Variants in CLVS1 observed in about 807,000 individuals in gnomAD.
The protein encoded by CLVS1 is clavesin 1.
In CLVS1, 10 loss-of-function variants were observed where a neutral mutation model predicts 33.1. That is an observed-to-expected ratio of 0.30 (90% confidence interval 0.19 to 0.51). The LOEUF is 0.51. Ranked by LOEUF, CLVS1 falls within the 20% of genes least tolerant of loss-of-function variation. The probability of loss-of-function intolerance (pLI) is 0.97; values close to 1 mark genes in which losing one functional copy is unlikely to be tolerated. For synonymous variants in CLVS1, 163 were observed against 166.1 expected (o/e 0.98, Z 0.14); for missense variants, 343 against 433.4 (o/e 0.79, Z 1.85).
intron 5 of CLVS1, among the ~76,000 whole-genome samples, chr8:61,480,142 T>G (rs976386124): frequency 6.6e-6 from 1 of 152,244 alleles, no homozygotes. Flanking sequence ...CTGCAGAGGT[T>G]ATTGCTGCCT....
chr8:61,161,152 G>A (rs887746150), intron 2 of CLVS1, among the ~76,000 whole-genome samples: 1 of 152,144 alleles, frequency 6.6e-6, no homozygotes, highest in Non-Finnish European at 1.5e-5. Flanking sequence ...TGTTAGAAGG[G>A]TTATCAAAAA....
chr8:61,420,270 T>C (rs1366354618), intron 3 of CLVS1, among the ~76,000 whole-genome samples: 1 of 152,116 alleles, frequency 6.6e-6, no homozygotes. Context: ...TGACATATGG[T>C]AAATACCCAG....
chr8:61,494,424 TC>T (rs1804199929), intron 5 of CLVS1, among the ~76,000 whole-genome samples: 1 of 151,972 alleles, frequency 6.6e-6, no homozygotes, highest in Non-Finnish European at 1.5e-5. Flanking sequence ...CTCAAATCAC[TC>T]CCCTGCCTGA....
chr8:60,979,921 A>G, the CLVS1 span, among the ~76,000 whole-genome samples: 1 of 152,256 alleles, frequency 6.6e-6, no homozygotes, highest in African/African-American at 2.4e-5. Flanking sequence ...TCTAATCACT[A>G]TCAGGTCGAA....
chr8:61,467,340 AT>A (rs1233944012), intron 5 of CLVS1, among the ~76,000 whole-genome samples: 1 of 152,190 alleles, frequency 6.6e-6, no homozygotes, highest in Non-Finnish European at 1.5e-5. Context: ...TGTTTCATTT[AT>A]TCTTAGCCAG....
intron 2 of CLVS1, among the ~76,000 whole-genome samples, chr8:61,203,778 T>G (rs1379389058): frequency 6.6e-6 from 1 of 152,210 alleles, no homozygotes; most frequent in African/African-American, 2.4e-5. Flanking sequence ...CCTTGGATGT[T>G]ATTTCTACTT....
At chr8:61,211,070 T>C (rs1807961183) in intron 2 of CLVS1, among the ~76,000 whole-genome samples, 1 of 152,100 alleles carries the variant, frequency 6.6e-6, no homozygotes. Flanking sequence ...TGGTCAACCA[T>C]GTACAATGCA....
the CLVS1 span, among the ~76,000 whole-genome samples, chr8:61,036,503 A>G: frequency 6.6e-6 from 1 of 152,236 alleles, no homozygotes; most frequent in East Asian, 1.9e-4. Flanking sequence ...TGTGCATTAA[A>G]GGGGGCCAAA....
At chr8:61,305,731 C>T (rs1043347693) in intron 2 of CLVS1, among the ~76,000 whole-genome samples, 1 of 152,084 alleles carries the variant, frequency 6.6e-6, no homozygotes, top group East Asian at 1.9e-4. Flanking sequence ...CTGAAAGGCC[C>T]CAGTGTTTAT....
chr8:61,104,930 G>A (rs1805507986), intron 1 of CLVS1, among the ~76,000 whole-genome samples: 1 of 152,260 alleles, frequency 6.6e-6, no homozygotes, highest in East Asian at 1.9e-4. Flanking sequence ...CTGGGTTCAA[G>A]CAATTCTCCT....
rs529575995 is a variant in CLVS1, at chr8:61,498,200, T to G, written c.978-1255T>G. 1.1e-4 allele frequency among the ~76,000 whole-genome samples: 16 copies of G among 152,298 alleles called. No homozygotes were observed. In the South Asian group the frequency reaches 2.9e-3, roughly 28 times the overall value. On this transcript the variant is annotated intron_variant, in intron 5 of 5. Coordinates refer to ENST00000325897, the MANE Select transcript of CLVS1 (RefSeq NM_173519.3). ...TCTTACTGCCTTAAAAGGGTCAAAC[T>G]GATACAGTGTGACCTAAAGCCCAGA...
chr8:61,088,781 CT>C (rs912488315), intron 1 of CLVS1, among the ~76,000 whole-genome samples: 8 of 147,928 alleles, frequency 5.4e-5, no homozygotes, highest in East Asian at 3.9e-4. Context: ...TATGGTCAAG[CT>C]TTTTTTTTTC....
the CLVS1 span, among the ~76,000 whole-genome samples, chr8:60,968,047 T>A: frequency 6.6e-6 from 1 of 152,162 alleles, no homozygotes; most frequent in African/African-American, 2.4e-5. Context: ...CAAGCGATTC[T>A]CCCACCTCAG....
chr8:61,389,482 G>T (rs1340632319), intron 3 of CLVS1, among the ~76,000 whole-genome samples: 1 of 151,964 alleles, frequency 6.6e-6, no homozygotes, highest in Non-Finnish European at 1.5e-5. Context: ...GGTGGAGGTT[G>T]CAGTGAGCCA....
chr8:61,108,303 G>T (rs1176143786), intron 1 of CLVS1, among the ~76,000 whole-genome samples: 2 of 151,524 alleles, frequency 1.3e-5, no homozygotes, highest in African/African-American at 4.9e-5. Context: ...AATATTAGTT[G>T]CAAATATATG....
At chr8:60,981,744 T>C in the CLVS1 span, among the ~76,000 whole-genome samples, 1 of 152,234 alleles carries the variant, frequency 6.6e-6, no homozygotes, top group African/African-American at 2.4e-5. Flanking sequence ...GAACAGCAGC[T>C]TGAGCGGCCA....
chr8:61,307,536 G>A (rs1233993668), intron 2 of CLVS1, among the ~76,000 whole-genome samples: 7 of 151,784 alleles, frequency 4.6e-5, no homozygotes, highest in Admixed American at 3.3e-4. Context: ...ATTTAAGGGG[G>A]CACCAAGAAA....
At chr8:61,354,437 G>A (rs1812601310) in intron 2 of CLVS1, among the ~76,000 whole-genome samples, 1 of 151,862 alleles carries the variant, frequency 6.6e-6, no homozygotes, top group Admixed American at 6.6e-5. Flanking sequence ...AAAAAAAACT[G>A]TACATGGGAT....
At chr8:60,998,400 G>A in the CLVS1 span, among the ~76,000 whole-genome samples, 1 of 152,048 alleles carries the variant, frequency 6.6e-6, no homozygotes, top group Non-Finnish European at 1.5e-5. Flanking sequence ...CGGAATACCC[G>A]ACTTAAGTTT....
Sources: allele counts gnomAD v4.1 joint callset (sites outside exome capture counted in the v4.1 genomes callset), GRCh38; gene constraint gnomAD v4.1.1; transcripts MANE v1.5; gene names NCBI Gene and HGNC (gene_info 2026-07-23, HGNC 2026-07-21).